OTC: variants seen among roughly 807,000 people sequenced by gnomAD.
OTC encodes ornithine transcarbamylase.
OTC carries 3 observed loss-of-function variants against 30.3 expected under a neutral mutation model. The ratio of observed to expected loss-of-function variants is 0.10; its 90% CI spans 0.05 to 0.26. OTC has a LOEUF of 0.26. Among genes scored for constraint, OTC ranks in the 10% least tolerant of loss-of-function variants. The pLI is 1.00. For synonymous variants in OTC, 111 were observed against 99.7 expected, an observed-to-expected ratio of 1.11 and a Z score of -0.67; for missense variants, 194 against 260.3, an observed-to-expected ratio of 0.75 and a Z score of 1.75.
chrX:38,330,091 A>G, the OTC span, among the ~76,000 whole-genome samples: 1 of 112,276 alleles, frequency 8.9e-6, no homozygotes, highest in Admixed American at 9.4e-5. Flanking sequence ...ATTAAATCCT[A>G]TGAAATCTTA....
rs746963300 is a variant in OTC, at chrX:38,394,061, G to A, written c.387-7214G>A. 7.0e-4 allele frequency among the ~76,000 whole-genome samples: 79 copies of A among 112,143 alleles called. No individual in the cohort carries two copies. In the Admixed American group the frequency reaches 7.2e-3, roughly 10 times the overall value. On this transcript the variant is annotated intron_variant, in intron 4 of 9. Transcript: ENST00000039007. ...CTCAAGATCACTAACTTATGAATAT[G>A]AATCTTCAAAATTCCTTTTGTCAAG...
chrX:38,343,410 T>C, the OTC span, among the ~76,000 whole-genome samples: 2 of 112,229 alleles, frequency 1.8e-5, no homozygotes, highest in Admixed American at 9.4e-5. Context: ...AATCAGCCTA[T>C]GGGAGAAGAG....
upstream of OTC, among the ~76,000 whole-genome samples, chrX:38,348,133 T>C (rs1166526787): frequency 8.9e-6 from 1 of 112,140 alleles, no homozygotes. Flanking sequence ...ATTTTCATGA[T>C]AGGCGAATTC....
rs1602029780 is a variant in OTC at position 38,401,433 on chromosome X, G to C, written c.540+5G>C. The C allele has an allele frequency of 8.3e-7, 1 of 1,197,755 alleles. No individual in the cohort carries two copies. Among genetic ancestry groups the C allele is most frequent in the African/African-American group, 1.7e-5 (1 of 57,518 alleles). On this transcript the variant is annotated splice_donor_5th_base_variant and intron_variant, in intron 5 of 9. Transcript: ENST00000039007. ...GCTGATTACCTCACGCTCCAGGTTG[G>C]TTTATTTATTTGTCTTACAAAAGAG...
In OTC at chrX:38,381,423, C is replaced by T. The variant is rs762910963; in HGVS notation, c.380C>T (p.Thr127Met). 17 of 1,172,798 alleles carry T rather than the reference C, an allele frequency of 1.4e-5. No homozygotes were observed. Among genetic ancestry groups the T allele is most frequent in the Admixed American group, 1.3e-4 (6 of 45,582 alleles). ...HLGVNESLTD[T>M]ARVLSSMADA... ...GGTGTGAATGAAAGTCTCACGGACA[C>T]GGCCCGGTTTGTAAATATTTTCTTC... Residue 127 changes from threonine (T) to methionine (M), a missense_variant, in exon 4 of 10, where the codon ACG becomes ATG. By Grantham distance (81) the Thr-to-Met change is moderately conservative. Coordinates refer to ENST00000039007, the MANE Select transcript of OTC (RefSeq NM_000531.6).
chrX:38,397,979 C>T (rs2068465597), intron 4 of OTC, among the ~76,000 whole-genome samples: 1 of 112,134 alleles, frequency 8.9e-6, no homozygotes, highest in African/African-American at 3.2e-5. Context: ...AAAAGTGTTG[C>T]AACCTGAATA....
chrX:38,415,435 C>T (rs939927858), intron 9 of OTC, among the ~76,000 whole-genome samples: 3 of 111,373 alleles, frequency 2.7e-5, no homozygotes, highest in Non-Finnish European at 3.8e-5. Flanking sequence ...TCAGCACTGC[C>T]GTGATACATT....
chrX:38,401,643 C>T (rs768947659), intron 5 of OTC, among the ~76,000 whole-genome samples: 12 of 111,646 alleles, frequency 1.1e-4, no homozygotes, highest in Non-Finnish European at 2.3e-4. Context: ...ATTCCCAAAC[C>T]CTTTTAGCCC....
rs1356157387 is a variant in OTC, at chrX:38,421,093, C to T, written c.*11C>T. 3 of 1,149,841 alleles carry T rather than the reference C, an allele frequency of 2.6e-6. No homozygotes were observed. Among genetic ancestry groups the T allele is most frequent in the East Asian group, 6.0e-5 (2 of 33,527 alleles). 94.8% of individuals were successfully genotyped at this position (1,149,841 alleles called of 1,213,427 possible). ...AAGCCTAAATTTTGATGTTGTGTTA[C>T]TTGTCAAGAAAGAAGCAATGTTCTT... On this transcript the variant is annotated 3_prime_UTR_variant, in exon 10 of 10. Coordinates refer to ENST00000039007, the MANE Select transcript of OTC (RefSeq NM_000531.6).
intron 9 of OTC, among the ~76,000 whole-genome samples, chrX:38,414,972 C>T (rs2068562880): frequency 9.0e-6 from 1 of 111,175 alleles, no homozygotes; most frequent in Non-Finnish European, 1.9e-5. Flanking sequence ...CACCACACAG[C>T]CTGTACAGTT....
At chrX:38,361,180 T>C (rs1359737259) in intron 1 of OTC, among the ~76,000 whole-genome samples, 3 of 111,514 alleles carry the variant, frequency 2.7e-5, no homozygotes, top group African/African-American at 9.8e-5. Context: ...TGGCAGACGC[T>C]TGTAATCCCA....
At chrX:38,365,604 G>T (rs1444524352) in intron 1 of OTC, among the ~76,000 whole-genome samples, 2 of 112,507 alleles carry the variant, frequency 1.8e-5, no homozygotes, top group Admixed American at 1.9e-4. Flanking sequence ...TGTTTCTATT[G>T]TGTATCATGT....
intron 1 of OTC, among the ~76,000 whole-genome samples, chrX:38,362,281 G>A (rs1165103626): frequency 1.8e-5 from 2 of 111,664 alleles, no homozygotes; most frequent in Non-Finnish European, 3.8e-5. Context: ...TAGATCTCAT[G>A]TTAAGTGATC....
intron 3 of OTC, among the ~76,000 whole-genome samples, chrX:38,375,486 G>A (rs2068342550): frequency 9.0e-6 from 1 of 111,640 alleles, no homozygotes; most frequent in Non-Finnish European, 1.9e-5. Flanking sequence ...AGAAGCTGGG[G>A]TTGTGGTGGC....
Position 38,353,941 on chromosome X carries a change from T to A in OTC, c.77+1168T>A, listed in dbSNP as rs544762858. On this transcript the variant is annotated intron_variant, in intron 1 of 9. Transcript: ENST00000039007. Reference sequence around the variant, plus strand: ...AATGACTGTGGGGTTTACCAATTAGTGCCAGAGTTAGATCAGATAACAACC... The same window carrying A: ...AATGACTGTGGGGTTTACCAATTAGAGCCAGAGTTAGATCAGATAACAACC... Among the ~76,000 whole-genome samples the A allele has an allele frequency of 1.4e-4, 16 of 112,014 alleles. No homozygotes were observed. The South Asian group carries it at 5.9e-3, about 41-fold the overall frequency.
At chrX:38,409,543 C>T (rs758092032) in intron 8 of OTC, among the ~76,000 whole-genome samples, 1 of 112,251 alleles carries the variant, frequency 8.9e-6, no homozygotes, top group Non-Finnish European at 1.9e-5. Context: ...ATTAGCATCA[C>T]CAGAGGAGTT....
rs774360769 is a variant in OTC, at chrX:38,401,308, T to C, written c.420T>C (p.Ala140=). 8.3e-7 allele frequency: 1 copy of C among 1,203,119 alleles called. No homozygotes were observed. Among genetic ancestry groups the C allele is most frequent in the Non-Finnish European group, 1.1e-6 (1 of 887,796 alleles). The change falls in exon 5 of 10, where the codon GCT becomes GCC. Residue 140 remains alanine, a synonymous_variant. Coordinates refer to ENST00000039007, the MANE Select transcript of OTC (RefSeq NM_000531.6). ...CTAGCATGGCAGATGCAGTATTGGC[T>C]CGAGTGTATAAACAATCAGATTTGG... ...VLSSMADAVL[A]RVYKQSDLDT...
At chrX:38,378,111 C>G (rs192767248) in intron 3 of OTC, among the ~76,000 whole-genome samples, 1 of 106,008 alleles carries the variant, frequency 9.4e-6, no homozygotes, top group East Asian at 2.9e-4. Flanking sequence ...GCTAGGATTA[C>G]AGGCGTGAGC....
In OTC at chrX:38,369,781, G is replaced by A. The variant is rs751199337; in HGVS notation, c.217-15G>A. 4.9e-6 allele frequency: 5 copies of A among 1,026,845 alleles called. No individual in the cohort carries two copies. Among genetic ancestry groups the A allele is most frequent in the South Asian group, 2.0e-5 (1 of 51,142 alleles). The allele number at this position is 1,026,845 out of a possible 1,213,427, so 84.6% of individuals were successfully genotyped here. ...TAAGATATATTTTAATTCTATTCTT[G>A]TCCTTGATTTATAGTATTTGCCTTT... On this transcript the variant is annotated splice_polypyrimidine_tract_variant and intron_variant, in intron 2 of 9. Coordinates refer to ENST00000039007, the MANE Select transcript of OTC (RefSeq NM_000531.6).
Sources: gnomAD v4.1 joint callset for allele counts (sites outside exome capture counted in the v4.1 genomes callset) on GRCh38, gnomAD v4.1.1 for gene constraint, MANE v1.5 for transcripts, NCBI Gene and HGNC (gene_info 2026-07-23, HGNC 2026-07-21) for gene names.